Variants in EHBP1 observed in about 807,000 individuals in gnomAD.
The protein encoded by EHBP1 is EH domain binding protein 1.
Under a neutral mutation model 144.0 loss-of-function variants are expected in EHBP1, and 55 were observed. That is an observed-to-expected ratio of 0.38 (90% CI 0.31 to 0.48). The LOEUF (loss-of-function observed/expected upper bound fraction) is 0.48, where lower values mean the gene tolerates loss of function less well. EHBP1 is among the 20% of genes least tolerant of loss of function. The pLI, the probability that EHBP1 is intolerant of heterozygous loss-of-function variation, is 0.98. For synonymous variants in EHBP1, 469 were observed against 472.7 expected, an observed-to-expected ratio of 0.99 and a Z score of 0.10; for missense variants, 1,200 against 1,364.2, an observed-to-expected ratio of 0.88 and a Z score of 1.90.
At chr2:62,861,431 G>A (rs1289820160) in intron 8 of EHBP1, among the ~76,000 whole-genome samples, 1 of 150,624 alleles carries the variant, frequency 6.6e-6, no homozygotes, top group Non-Finnish European at 1.5e-5. Flanking sequence ...CCCAGCCCTT[G>A]AGTGGCTTTT....
intron 9 of EHBP1, among the ~76,000 whole-genome samples, chr2:62,866,531 T>A (rs920943748): frequency 6.6e-6 from 1 of 152,150 alleles, no homozygotes; most frequent in African/African-American, 2.4e-5. Context: ...GAAGACAGCA[T>A]AGATGATATT....
intron 10 of EHBP1, among the ~76,000 whole-genome samples, chr2:62,905,327 A>T (rs1351754434): frequency 6.6e-6 from 1 of 152,200 alleles, no homozygotes. Flanking sequence ...ACCATATTAG[A>T]GGAATTTAGC....
At chr2:62,962,046 T>C (rs920417223) in intron 14 of EHBP1, among the ~76,000 whole-genome samples, 1 of 152,058 alleles carries the variant, frequency 6.6e-6, no homozygotes, top group African/African-American at 2.4e-5. Flanking sequence ...AAAAATAGAC[T>C]GGGTGTGGTG....
At chr2:62,822,232 T>G (rs1274662303) in intron 5 of EHBP1, among the ~76,000 whole-genome samples, 1 of 152,178 alleles carries the variant, frequency 6.6e-6, no homozygotes, top group Non-Finnish European at 1.5e-5. Flanking sequence ...GAGAAAACAT[T>G]TATTCACCTG....
chr2:62,999,324 G>C (rs1244012474), intron 19 of EHBP1, among the ~76,000 whole-genome samples: 2 of 151,434 alleles, frequency 1.3e-5, no homozygotes, highest in East Asian at 3.9e-4. Flanking sequence ...GGTTTTTTTT[G>C]CTGATTTGAA....
At chr2:62,887,287 A>G (rs892343380) in intron 10 of EHBP1, among the ~76,000 whole-genome samples, 7 of 152,146 alleles carry the variant, frequency 4.6e-5, no homozygotes. Context: ...CAAGAGTTCT[A>G]TTACTAAAGA....
At chr2:62,951,829 T>G (rs1190640275) in intron 13 of EHBP1, among the ~76,000 whole-genome samples, 3 of 152,118 alleles carry the variant, frequency 2.0e-5, no homozygotes, top group Admixed American at 6.5e-5. Flanking sequence ...CTGGCCAGAT[T>G]TTTCTTGAAA....
chr2:62,705,278 ACTGCCCACAG>A (rs2034437167), upstream of EHBP1, among the ~76,000 whole-genome samples: 1 of 152,056 alleles, frequency 6.6e-6, no homozygotes, highest in South Asian at 2.1e-4. Flanking sequence ...AGGCAGCTGC[ACTGCCCACAG>A]CTGCAGCGAA....
intron 10 of EHBP1, among the ~76,000 whole-genome samples, chr2:62,887,584 A>AC (rs1365793029): frequency 6.6e-6 from 1 of 151,750 alleles, no homozygotes; most frequent in Non-Finnish European, 1.5e-5. Flanking sequence ...AAAAAAAAAA[A>AC]AAAAAAATAG....
intron 18 of EHBP1, among the ~76,000 whole-genome samples, chr2:62,995,586 A>G (rs930081090): frequency 1.3e-5 from 2 of 152,072 alleles, no homozygotes; most frequent in Non-Finnish European, 2.9e-5. Flanking sequence ...TTACAGAAGA[A>G]GTTTGTTCAC....
At chr2:62,717,966 A>G (rs1481638230) in intron 2 of EHBP1, among the ~76,000 whole-genome samples, 1 of 152,196 alleles carries the variant, frequency 6.6e-6, no homozygotes, top group Non-Finnish European at 1.5e-5. Flanking sequence ...CAAGGCAAAA[A>G]GGGATGCACA....
In EHBP1 at chr2:62,948,975, G is replaced by A. The variant is rs762916707; in HGVS notation, c.2129G>A (p.Cys710Tyr). The A allele has an allele frequency of 1.2e-6, 2 of 1,613,852 alleles. No homozygotes were observed. The highest frequency in any genetic ancestry group is 1.3e-5 in the African/African-American group (1 of 74,908). ...EKLENSRSLE[C>Y]RSDPESPIKK... ...TTAGAGAATTCCAGATCCTTAGAAT[G>A]CAGATCAGATCCAGAATCTCCTATC... The change falls in exon 13 of 23, where the codon TGC becomes TAC. Residue 710 changes from cysteine (C) to tyrosine (Y), a missense_variant. Coordinates refer to ENST00000431489, the MANE Select transcript of EHBP1 (RefSeq NM_001142616.3).
intron 2 of EHBP1, among the ~76,000 whole-genome samples, chr2:62,735,664 C>T (rs1381089349): frequency 6.6e-6 from 1 of 152,140 alleles, no homozygotes. Context: ...ATGTTACTTT[C>T]CTTCTGTCTA....
At chr2:62,876,825 C>T (rs2050923496) in intron 10 of EHBP1, among the ~76,000 whole-genome samples, 1 of 152,184 alleles carries the variant, frequency 6.6e-6, no homozygotes, top group Admixed American at 6.5e-5. Context: ...ATGATCCAGT[C>T]ACATCTCACC....
chr2:62,706,425 C>T (rs927424277), intron 1 of EHBP1: 3 of 152,280 alleles, frequency 2.0e-5, no homozygotes, highest in African/African-American at 7.2e-5. Flanking sequence ...TTCCTCCCTC[C>T]GACTGAAAAA....
chr2:62,792,846 A>G (rs893888416), intron 5 of EHBP1, among the ~76,000 whole-genome samples: 1 of 152,022 alleles, frequency 6.6e-6, no homozygotes, highest in Non-Finnish European at 1.5e-5. Context: ...GAAGACATCT[A>G]TTGTAACAGA....
chr2:62,865,593 A>G (rs1243054070), intron 9 of EHBP1, among the ~76,000 whole-genome samples: 1 of 152,200 alleles, frequency 6.6e-6, no homozygotes, highest in Non-Finnish European at 1.5e-5. Context: ...GCAGCAGCAA[A>G]ACCTCCACTT....
rs2054482770 is a variant in EHBP1 at position 62,914,840 on chromosome 2, C to G, written c.1186-27878C>G. ...TTGAAAAGGAATGCCCAAGTCACAT[C>G]CCAATATCATAAAATCTGTTATATC... is the stretch of plus-strand genomic sequence containing the variant. On this transcript the variant is annotated intron_variant, in intron 10 of 22. Transcript: ENST00000431489. 2.0e-5 allele frequency among the ~76,000 whole-genome samples: 3 copies of G among 151,964 alleles called. 1 individual carries two copies. Among genetic ancestry groups the G allele is most frequent in the Admixed American group, 2.0e-4 (3 of 15,244 alleles).
chr2:62,842,333 C>T (rs2047960117), intron 7 of EHBP1, among the ~76,000 whole-genome samples: 1 of 152,148 alleles, frequency 6.6e-6, no homozygotes. Context: ...GAGATCCGCC[C>T]GCTTTCCTCC....
Sources: gnomAD v4.1 joint callset for allele counts (sites outside exome capture counted in the v4.1 genomes callset) on GRCh38, gnomAD v4.1.1 for gene constraint, MANE v1.5 for transcripts, NCBI Gene and HGNC (gene_info 2026-07-23, HGNC 2026-07-21) for gene names.